Variants in NXPE4 observed in about 807,000 individuals in gnomAD.
The protein encoded by NXPE4 is NXPE family member 4.
NXPE4 carries 42 observed loss-of-function variants against 33.3 expected under a neutral mutation model. That is an observed-to-expected ratio of 1.26 (90% CI 0.98 to 1.63). The LOEUF is 1.63. Among genes scored for constraint, NXPE4 ranks in the 40% most tolerant of loss-of-function variants. The pLI is 0.00. For synonymous variants in NXPE4, 253 were observed against 234.9 expected (o/e 1.08, Z -0.71); for missense variants, 709 against 647.6 (o/e 1.09, Z -1.03).
chr11:114,588,268 T>C (rs1041793022), intron 2 of NXPE4, among the ~76,000 whole-genome samples: 1 of 152,146 alleles, frequency 6.6e-6, no homozygotes, highest in Non-Finnish European at 1.5e-5. Context: ...TTCACTCTTA[T>C]CCTTACAGGA....
chr11:114,617,534 C>G, the NXPE4 span, among the ~76,000 whole-genome samples: 6 of 151,172 alleles, frequency 4.0e-5, no homozygotes, highest in East Asian at 2.0e-4. Context: ...TGCCTCGTGG[C>G]TAACCACTGT....
intron 5 of NXPE4, among the ~76,000 whole-genome samples, chr11:114,577,100 GTT>G (rs1491385915): frequency 8.1e-6 from 1 of 123,100 alleles, no homozygotes; most frequent in African/African-American, 3.1e-5. Context: ...TATATATAAA[GTT>G]ATATATATAC....
At chr11:114,650,928 A>C in the NXPE4 span, among the ~76,000 whole-genome samples, 1 of 152,172 alleles carries the variant, frequency 6.6e-6, no homozygotes, top group Non-Finnish European at 1.5e-5. Context: ...ATACTGGCTA[A>C]CAGAGATGGC....
the NXPE4 span, among the ~76,000 whole-genome samples, chr11:114,662,259 G>A: frequency 2.6e-5 from 4 of 152,076 alleles, no homozygotes; most frequent in African/African-American, 9.7e-5. Context: ...GGAACTGTGA[G>A]GCCTTGAACT....
the NXPE4 span, among the ~76,000 whole-genome samples, chr11:114,629,694 T>A: frequency 2.0e-5 from 3 of 151,950 alleles, no homozygotes; most frequent in Non-Finnish European, 4.4e-5. Flanking sequence ...GAGAAGGGAA[T>A]AAAGGGTATT....
the NXPE4 span, among the ~76,000 whole-genome samples, chr11:114,651,180 G>A: frequency 6.6e-6 from 1 of 152,030 alleles, no homozygotes; most frequent in Non-Finnish European, 1.5e-5. Flanking sequence ...ATGAAGCCGT[G>A]GACCCTCGCG....
the NXPE4 span, among the ~76,000 whole-genome samples, chr11:114,652,334 G>C: frequency 0.092 from 14,058 of 152,254 alleles, 778 homozygotes; most frequent in African/African-American, 0.15. Flanking sequence ...AGGCTTCAGA[G>C]CACCAGAGCC....
At chr11:114,654,730 T>C in the NXPE4 span, among the ~76,000 whole-genome samples, 3 of 152,218 alleles carry the variant, frequency 2.0e-5, no homozygotes, top group African/African-American at 7.2e-5. Flanking sequence ...CTGATGGACA[T>C]TTGACTTGGT....
At chr11:114,663,666 TCA>T in the NXPE4 span, among the ~76,000 whole-genome samples, 4 of 124,286 alleles carry the variant, frequency 3.2e-5, no homozygotes, top group African/African-American at 9.4e-5. Context: ...TATTTATCTA[TCA>T]TCTATCTATT....
chr11:114,617,711 G>A, the NXPE4 span, among the ~76,000 whole-genome samples: 4 of 152,156 alleles, frequency 2.6e-5, no homozygotes, highest in African/African-American at 9.6e-5. Context: ...GGTAACCACT[G>A]TTACCCAATG....
the NXPE4 span, among the ~76,000 whole-genome samples, chr11:114,619,419 C>T: frequency 2.0e-5 from 3 of 151,670 alleles, no homozygotes; most frequent in Admixed American, 6.6e-5. Flanking sequence ...AGTGTTGCCT[C>T]GTGGGTAACC....
chr11:114,636,634 A>G, the NXPE4 span, among the ~76,000 whole-genome samples: 1 of 151,946 alleles, frequency 6.6e-6, no homozygotes, highest in Non-Finnish European at 1.5e-5. Flanking sequence ...ACTGCTTTGA[A>G]TGTGTCCCAG....
At chr11:114,596,157 C>A (rs1949569492), upstream of NXPE4, among the ~76,000 whole-genome samples, 1 of 152,144 alleles carries the variant, frequency 6.6e-6, no homozygotes, top group Non-Finnish European at 1.5e-5. Context: ...TTATCTCATA[C>A]ATAGTAGGTT....
In NXPE4 at chr11:114,582,439, C is replaced by T; in HGVS notation, c.679G>A (p.Ala227Thr). The change falls in exon 3 of 6, where the codon GCT (alanine) becomes ACT (threonine). Residue 227 changes from alanine (A) to threonine (T), a missense_variant. Ala to Thr is a moderately conservative substitution (Grantham distance 58). Coordinates refer to ENST00000375478, the MANE Select transcript of NXPE4 (RefSeq NM_001077639.2). ...TTGTCCAGGTACTGGCACAATTCAG[C>T]ATTTGTGTTTAGGATCAGGCCACAT... Reference protein sequence around the residue: ...SECGLILNTNAELCQYLDNRD... With the variant: ...SECGLILNTNTELCQYLDNRD... 7 of 1,614,162 alleles carry T rather than the reference C, an allele frequency of 4.3e-6. No homozygotes were observed. The highest frequency in any genetic ancestry group is 5.9e-6 in the Non-Finnish European group (7 of 1,179,990).
chr11:114,626,312 C>T, the NXPE4 span, among the ~76,000 whole-genome samples: 4 of 152,336 alleles, frequency 2.6e-5, no homozygotes, highest in East Asian at 7.7e-4. Context: ...GTTCTCCTAG[C>T]ACACAGCTGG....
At chr11:114,604,650 G>A in the NXPE4 span, among the ~76,000 whole-genome samples, 37 of 151,674 alleles carry the variant, frequency 2.4e-4, no homozygotes, top group Admixed American at 1.8e-3. Flanking sequence ...GCTGTTACCC[G>A]GTGGATAATA....
At chr11:114,671,981 G>A in the NXPE4 span, among the ~76,000 whole-genome samples, 1,329 of 152,114 alleles carry the variant, frequency 8.7e-3, 18 homozygotes, top group African/African-American at 0.03. Flanking sequence ...TTCTAAGGAG[G>A]CCTCAGAAAA....
At chr11:114,622,222 C>A in the NXPE4 span, among the ~76,000 whole-genome samples, 1 of 104,710 alleles carries the variant, frequency 9.6e-6, no homozygotes, top group East Asian at 1.9e-4. Context: ...ATAAGTGTTG[C>A]CTCCTGGTTA....
In NXPE4 at chr11:114,582,586, A is replaced by G. The variant is rs750368161; in HGVS notation, c.532T>C (p.Ser178Pro). 1.2e-6 allele frequency: 2 copies of G among 1,614,014 alleles called. No homozygotes were observed. The highest frequency in any genetic ancestry group is 2.2e-5 in the East Asian group (1 of 44,890). Reference sequence around the variant, plus strand: ...TCACTGGGGTGGATGAGCAGCAGAGACAGAGAGACCTGGCCCTCCCAGAAC... The same window carrying G: ...TCACTGGGGTGGATGAGCAGCAGAGGCAGAGAGACCTGGCCCTCCCAGAAC... ...TLFWEGQVSL[S>P]LLLIHPSEGV... Residue 178 changes from serine (S) to proline (P), a missense_variant, in exon 3 of 6, where the codon TCT (serine) becomes CCT (proline). Ser to Pro is a moderately conservative substitution (Grantham distance 74). Transcript: ENST00000375478.
Sources: gnomAD v4.1 joint callset for allele counts (sites outside exome capture counted in the v4.1 genomes callset) on GRCh38, gnomAD v4.1.1 for gene constraint, MANE v1.5 for transcripts, NCBI Gene and HGNC (gene_info 2026-07-23, HGNC 2026-07-21) for gene names.